The following FAM83A variants were observed in gnomAD, a reference collection of about 807,000 sequenced individuals.
FAM83A encodes protein FAM83A.
FAM83A carries 21 observed loss-of-function variants against 24.4 expected under a neutral mutation model. The ratio of observed to expected loss-of-function variants is 0.86; its 90% CI spans 0.61 to 1.24. FAM83A has a LOEUF of 1.24. Among genes scored for constraint, FAM83A ranks in the 50% most tolerant of loss-of-function variants. The pLI is 0.00. For synonymous variants in FAM83A, 270 were observed against 252.4 expected, an observed-to-expected ratio of 1.07 and a Z score of -0.66; for missense variants, 617 against 579.8, an observed-to-expected ratio of 1.06 and a Z score of -0.66.
exon 4 of FAM83A, chr8:123,207,295 G>T (rs778379212): frequency 2.1e-5 from 34 of 1,611,308 alleles, no homozygotes; most frequent in Non-Finnish European, 2.7e-5. Context: ...CCCCGCGGCT[G>T]GTCGCCCCCG....
At chr8:123,199,232 G>A (rs975494800) in intron 3 of FAM83A, among the ~76,000 whole-genome samples, 1 of 152,186 alleles carries the variant, frequency 6.6e-6, no homozygotes, top group Non-Finnish European at 1.5e-5. Flanking sequence ...AGAGTGTATT[G>A]TTAAGACATT....
Position 123,209,111 on chromosome 8 carries a change from TG to T in FAM83A, c.*1427del. The T allele has an allele frequency of 9.6e-7, 1 of 1,042,496 alleles. No individual in the cohort carries two copies. Among genetic ancestry groups the T allele is most frequent in the Non-Finnish European group, 1.2e-6 (1 of 867,752 alleles). The allele number at this position is 1,042,496 out of a possible 1,614,324, so 64.6% of individuals were successfully genotyped here. ...GGGGTCAGTGGTATGTGATCCAGGC[TG>T]GGGAGCCAGAGGGGAGCAGGTGCCA... On this transcript the variant is annotated 3_prime_UTR_variant, in exon 4 of 4. Transcript: ENST00000690554. The surrounding 1 kb of genome is among the most constrained non-coding windows in gnomAD (Gnocchi z 4.7).
At chr8:123,194,430 A>AT (rs1272677069) in intron 3 of FAM83A, among the ~76,000 whole-genome samples, 48 of 151,744 alleles carry the variant, frequency 3.2e-4, no homozygotes, top group African/African-American at 1.1e-3. Context: ...CGGATATCTT[A>AT]GACGTGATTA....
chr8:123,207,304 C>T (rs747848623), exon 4 of FAM83A: 5 of 1,611,706 alleles, frequency 3.1e-6, no homozygotes, highest in Admixed American at 1.7e-5. Flanking sequence ...TGGTCGCCCC[C>T]GTCCCGCCCG....
intron 1 of FAM83A, among the ~76,000 whole-genome samples, chr8:123,183,840 C>T (rs962125040): frequency 5.9e-5 from 9 of 151,790 alleles, no homozygotes; most frequent in Admixed American, 3.3e-4. Flanking sequence ...GGATTACAGG[C>T]GCATGCCACC....
chr8:123,181,748 G>C (rs1485792865), upstream of FAM83A: 1 of 299,702 alleles, frequency 3.3e-6, no homozygotes, highest in Non-Finnish European at 6.8e-6. Flanking sequence ...GATGTCCACA[G>C]CAGTGGCCTG....
exon 4 of FAM83A, chr8:123,208,965 G>GA (rs371147342): frequency 0.15 from 115,663 of 789,732 alleles, 6 homozygotes; most frequent in Non-Finnish European, 0.16. Context: ...CTCCGTCACA[G>GA]AAAAAAAAAA....
chr8:123,208,106 G>C, exon 4 of FAM83A: 1 of 1,007,752 alleles, frequency 9.9e-7, no homozygotes, highest in Non-Finnish European at 1.2e-6. Flanking sequence ...CTGGTTCCCA[G>C]TGCCCAGGAA....
chr8:123,182,346 C>A (rs141741698), upstream of FAM83A: 9 of 356,156 alleles, frequency 2.5e-5, no homozygotes, highest in East Asian at 2.2e-4. Context: ...TCTTTCCCCC[C>A]CACAGGGAAA....
At chr8:123,185,378 G>A (rs1286160079) in intron 1 of FAM83A, among the ~76,000 whole-genome samples, 2 of 152,188 alleles carry the variant, frequency 1.3e-5, no homozygotes, top group Non-Finnish European at 2.9e-5. Context: ...AAGGATCCCT[G>A]GAAGGAAGCC....
exon 4 of FAM83A, chr8:123,207,558 G>A (rs948512851): frequency 2.0e-6 from 3 of 1,529,228 alleles, no homozygotes; most frequent in African/African-American, 1.4e-5. Flanking sequence ...CCCCACGACG[G>A]CCCGCCCGCC....
intron 2 of FAM83A, among the ~76,000 whole-genome samples, chr8:123,193,307 G>T (rs867635935): frequency 6.6e-6 from 1 of 152,216 alleles, no homozygotes. Context: ...CTCAGGTCAA[G>T]CCACTTACAA....
chr8:123,194,196 C>G lies in FAM83A; in HGVS notation c.773+48C>G. The G allele has an allele frequency of 1.9e-6, 3 of 1,608,860 alleles. No homozygotes were observed. In the South Asian group the frequency reaches 3.3e-5, roughly 18 times the overall value. On this transcript the variant is annotated intron_variant, in intron 3 of 3. Transcript: ENST00000690554. ...GTCAAGGATTCATGGAGAACAAGGG[C>G]TGAGTGAGGTGCAGACCAGCTCCCG...
At chr8:123,202,577 C>T (rs976298982) in intron 3 of FAM83A, 1 of 152,654 alleles carries the variant, frequency 6.6e-6, no homozygotes, top group African/African-American at 2.4e-5. Context: ...GCATGAAGTA[C>T]AGTAAATACA....
chr8:123,208,556 C>T (rs1248442044), exon 4 of FAM83A: 2 of 985,412 alleles, frequency 2.0e-6, no homozygotes, highest in Non-Finnish European at 2.4e-6. Context: ...CCAGCCTGGT[C>T]ACCTCCTGAG....
intron 2 of FAM83A, 109 bp from the exon 3 acceptor site, chr8:123,193,915 G>C: frequency 7.2e-7 from 1 of 1,387,398 alleles, no homozygotes. Flanking sequence ...CTGGGGATTA[G>C]GTTTCAACAC....
At chr8:123,182,259 G>T (rs1195722138), upstream of FAM83A, 6 of 387,770 alleles carry the variant, frequency 1.5e-5, no homozygotes, top group African/African-American at 1.2e-4. Context: ...GAGGAGGCGC[G>T]CCTGGTCAAC....
chr8:123,185,154 T>A (rs531655451), intron 1 of FAM83A, among the ~76,000 whole-genome samples: 2 of 152,320 alleles, frequency 1.3e-5, no homozygotes, highest in South Asian at 4.1e-4. Flanking sequence ...CCACGCTGCC[T>A]TTGTGGCCCG....
intron 1 of FAM83A, among the ~76,000 whole-genome samples, chr8:123,186,154 TCAC>T (rs1298744573): frequency 2.6e-5 from 4 of 152,210 alleles, no homozygotes; most frequent in Non-Finnish European, 5.9e-5. Context: ...CTCTTTGAGA[TCAC>T]CAATAATTTT....
Sources: gnomAD v4.1 joint callset for allele counts (sites outside exome capture counted in the v4.1 genomes callset) on GRCh38, gnomAD v4.1.1 for gene constraint, Gnocchi (gnomAD v3.1) non-coding constraint, MANE v1.5 for transcripts, NCBI Gene and HGNC (gene_info 2026-07-23, HGNC 2026-07-21) for gene names.